Variants in SPTBN2 observed in about 807,000 individuals in gnomAD.
The protein encoded by SPTBN2 is spectrin beta, non-erythrocytic 2, also known as spectrin beta chain, non-erythrocytic 2.
SPTBN2 carries 107 observed loss-of-function variants against 284.2 expected under a neutral mutation model. The observed-to-expected ratio is 0.38, with a 90% CI of 0.32 to 0.44. SPTBN2 has a LOEUF of 0.44. Ranked by LOEUF, SPTBN2 falls within the 20% of genes least tolerant of loss-of-function variation. The probability of loss-of-function intolerance (pLI) is 1.00; values close to 1 mark genes in which losing one functional copy is unlikely to be tolerated. For synonymous variants in SPTBN2, 1,289 were observed against 1,354.8 expected, an observed-to-expected ratio of 0.95 and a Z score of 1.07; for missense variants, 2,569 against 3,287.1, an observed-to-expected ratio of 0.78 and a Z score of 5.34.
At chr11:66,726,653 T>C (rs560889814) in intron 1 of SPTBN2, among the ~76,000 whole-genome samples, 2 of 152,244 alleles carry the variant, frequency 1.3e-5, no homozygotes, top group East Asian at 1.9e-4. Flanking sequence ...AAGATGAAGA[T>C]GGAGTAGGTA....
Position 66,705,225 on chromosome 11 carries a change from G to C in SPTBN2, c.2051C>G (p.Thr684Arg). 1 of 1,553,594 alleles carries C rather than the reference G, an allele frequency of 6.4e-7. No individual in the cohort carries two copies. Among genetic ancestry groups the C allele is most frequent in the Non-Finnish European group, 8.7e-7 (1 of 1,154,898 alleles). ...TGALRLLNKH[T>R]ALRGEMSGRL... Reference sequence around the variant, plus strand: ...GCCGCTCATCTCGCCCCGCAGGGCTGTGTGCTTGTTGAGCAGGCGGAGGGC... The same window carrying C: ...GCCGCTCATCTCGCCCCGCAGGGCTCTGTGCTTGTTGAGCAGGCGGAGGGC... The change falls in exon 15 of 38, where the codon ACA (threonine) becomes AGA (arginine). Residue 684 changes from threonine (T) to arginine (R), a missense_variant. Physicochemically the swap from Thr to Arg is moderately conservative, Grantham distance 71. This residue lies in a region of SPTBN2 where 1,012 missense variants were observed against 1,248.9 expected (regional missense o/e 0.81). Transcript: ENST00000533211.
Position 66,694,151 on chromosome 11 carries a change from C to A in SPTBN2, c.4491G>T (p.Val1497=). 6.2e-7 allele frequency: 1 copy of A among 1,607,598 alleles called. No individual in the cohort carries two copies. Among genetic ancestry groups the A allele is most frequent in the Non-Finnish European group, 8.5e-7 (1 of 1,180,006 alleles). Residue 1497 remains valine (V), a synonymous_variant, in exon 22 of 38, where the codon GTG becomes GTT. Transcript: ENST00000533211. ...SREQHQFHRD[V]EDEILWVTER... ...CCCAGTGACTCACAATCTCATCTTC[C>A]ACATCGCGGTGGAACTGGTGCTGCT...
Position 66,707,950 on chromosome 11 carries a change from AC to A in SPTBN2, c.1351-133del. The A allele has an allele frequency of 3.6e-6, 5 of 1,375,796 alleles. No homozygotes were observed. Among genetic ancestry groups the A allele is most frequent in the Non-Finnish European group, 3.0e-6 (3 of 1,009,476 alleles). 85.2% of individuals were successfully genotyped at this position (1,375,796 alleles called of 1,614,324 possible). A position where few individuals can be genotyped will look rare whatever the true frequency, so the allele number is the denominator to read the frequency against. On this transcript the variant is annotated intron_variant, in intron 12 of 37. Transcript: ENST00000533211. The surrounding 1 kb of genome is among the most constrained non-coding windows in gnomAD (Gnocchi z 4.9). ...TGGCTCTAAGTTCCCTCTCTATCCC[AC>A]CCCCATCCTGTCTCACCAACCCTCT...
chr11:66,696,269 C>T lies in SPTBN2; in HGVS notation c.4278+8G>A, dbSNP rs749162811. 1.2e-6 allele frequency: 2 copies of T among 1,610,258 alleles called. No homozygotes were observed. Among genetic ancestry groups the T allele is most frequent in the Admixed American group, 1.7e-5 (1 of 60,000 alleles). ...GTTCACCATCCCCATCAAAGGCCCA[C>T]AGCACACCTGCTGCTTCTTGAGCAG... On this transcript the variant is annotated splice_region_variant and intron_variant, in intron 21 of 37. Coordinates refer to ENST00000533211, the MANE Select transcript of SPTBN2 (RefSeq NM_006946.4).
chr11:66,712,162 C>G (rs1311109033), intron 8 of SPTBN2, among the ~76,000 whole-genome samples: 1 of 152,234 alleles, frequency 6.6e-6, no homozygotes, highest in East Asian at 1.9e-4. Context: ...CCCCCATCTT[C>G]TCTTCCATAA....
chr11:66,710,135 C>T lies in SPTBN2; in HGVS notation c.1073+447G>A, dbSNP rs1016993021. Reference sequence around the variant, plus strand: ...TTGGCTCACTGCAACCTCTGTCTCCCGGGTTCAGGTGGTTCTCCTGCCTCA... The same window carrying T: ...TTGGCTCACTGCAACCTCTGTCTCCTGGGTTCAGGTGGTTCTCCTGCCTCA... On this transcript the variant is annotated intron_variant, in intron 10 of 37. Transcript: ENST00000533211. This position sits in a 1 kb window ranked among gnomAD's most constrained non-coding sequence, Gnocchi z 4.9. Among the ~76,000 whole-genome samples the T allele has an allele frequency of 5.3e-5, 8 of 152,224 alleles. No individual in the cohort carries two copies. The highest frequency in any genetic ancestry group is 1.9e-4 in the African/African-American group (8 of 41,446).
intron 1 of SPTBN2, among the ~76,000 whole-genome samples, chr11:66,744,005 C>T (rs987034083): frequency 6.6e-6 from 1 of 152,076 alleles, no homozygotes; most frequent in African/African-American, 2.4e-5. Context: ...GGATTACAGG[C>T]GCCCGCCACC....
intron 1 of SPTBN2, among the ~76,000 whole-genome samples, chr11:66,725,446 T>A (rs1942581360): frequency 1.3e-5 from 2 of 152,334 alleles, no homozygotes; most frequent in South Asian, 4.1e-4. Flanking sequence ...TATCCAGCGC[T>A]GGTTTCTTGC....
rs780141702 is a variant in SPTBN2 at position 66,694,178 on chromosome 11, G to T, written c.4464C>A (p.Arg1488=). Residue 1488 remains arginine (R), a synonymous_variant, in exon 22 of 38, where the codon CGC becomes CGA. Coordinates refer to ENST00000533211, the MANE Select transcript of SPTBN2 (RefSeq NM_006946.4). ...RERCRRLQAS[R]EQHQFHRDVE... ...CATCGCGGTGGAACTGGTGCTGCTC[G>T]CGAGAAGCCTGCAGGCGCCGGCAGC... The T allele has an allele frequency of 1.2e-6, 2 of 1,611,816 alleles. No homozygotes were observed. Among genetic ancestry groups the T allele is most frequent in the Non-Finnish European group, 1.7e-6 (2 of 1,180,022 alleles).
At chr11:66,732,827 G>T (rs559759206), upstream of SPTBN2, among the ~76,000 whole-genome samples, 1 of 151,554 alleles carries the variant, frequency 6.6e-6, no homozygotes, top group Admixed American at 6.6e-5. Context: ...TTAGCCGGGC[G>T]TGGTGGCAAG....
At position 66,713,659 on chromosome 11, in the gene SPTBN2, C is replaced by T. The variant is rs757465047; in HGVS notation, c.744G>A (p.Leu248=). The change falls in exon 8 of 38, where the codon CTG becomes CTA. Residue 248 remains leucine (L), a synonymous_variant. Coordinates refer to ENST00000533211, the MANE Select transcript of SPTBN2 (RefSeq NM_006946.4). ...CGGGATCCAGCAGCTTGGTAAGTCCCAGTTCCTTTTCAGCCAGATTGAATG... is the reference window on the plus strand; with the variant it reads ...CGGGATCCAGCAGCTTGGTAAGTCCTAGTTCCTTTTCAGCCAGATTGAATG... ...QNAFNLAEKE[L]GLTKLLDPED... 1.9e-6 allele frequency: 3 copies of T among 1,613,954 alleles called. No individual in the cohort carries two copies. The highest frequency in any genetic ancestry group is 2.5e-6 in the Non-Finnish European group (3 of 1,180,022).
chr11:66,704,826 A>G lies in SPTBN2; in HGVS notation c.2450T>C (p.Leu817Pro). The change falls in exon 15 of 38, where the codon CTG becomes CCG. Residue 817 changes from leucine (L) to proline (P), a missense_variant. By Grantham distance (98) the Leu-to-Pro change is moderately conservative. Coordinates refer to ENST00000533211, the MANE Select transcript of SPTBN2 (RefSeq NM_006946.4). ...REQAAALPPT[L>P]SRTPEVQSRV... ...GCTCTGCACCTCGGGCGTGCGGCTC[A>G]GTGTGGGGGGCAGGGCTGCTGCCTG... 1 of 1,607,280 alleles carries G rather than the reference A, an allele frequency of 6.2e-7. No homozygotes were observed. Among genetic ancestry groups the G allele is most frequent in the Non-Finnish European group, 8.5e-7 (1 of 1,179,364 alleles).
rs1941968261 is a variant in SPTBN2, at chr11:66,713,229, A to C, written c.772+402T>G. ...CCTACAGTCTTTTGTTAAAAAAAAA[A>C]AAAACCTGAGAAATGATTGTCACAC... On this transcript the variant is annotated intron_variant, in intron 8 of 37. Transcript: ENST00000533211. Among the ~76,000 whole-genome samples the C allele has an allele frequency of 2.0e-5, 3 of 152,204 alleles. No individual in the cohort carries two copies. In the South Asian group the frequency reaches 6.2e-4, roughly 32 times the overall value.
rs373650492 is a variant in SPTBN2, at chr11:66,713,651, G to A, written c.752C>T (p.Thr251Ile). 65 of 1,613,748 alleles carry A rather than the reference G, an allele frequency of 4.0e-5. No individual in the cohort carries two copies. The highest frequency in any genetic ancestry group is 4.9e-5 in the Non-Finnish European group (58 of 1,179,950). Residue 251 changes from threonine (T) to isoleucine (I), a missense_variant, in exon 8 of 38, where the codon ACC (threonine) becomes ATC (isoleucine). Physicochemically the swap from Thr to Ile is moderately conservative, Grantham distance 89. This residue lies in a region of SPTBN2 where 304 missense variants were observed against 522.1 expected (regional missense o/e 0.58). Coordinates refer to ENST00000533211, the MANE Select transcript of SPTBN2 (RefSeq NM_006946.4). ...CCCACCTTCGGGATCCAGCAGCTTG[G>A]TAAGTCCCAGTTCCTTTTCAGCCAG... ...FNLAEKELGL[T>I]KLLDPEDVNV...
rs575916356 is a variant in SPTBN2 at position 66,700,808 on chromosome 11, C to T, written c.3291G>A (p.Leu1097=). ...GGGCCAGGAGGGCCTCTGCCTCAGG[C>T]AGGGTGGCCGGCCCTTCTTCAGAGG... is the stretch of plus-strand genomic sequence containing the variant. ...AVASEEGPAT[L]PEAEALLAQH... Residue 1097 remains leucine, a synonymous_variant, in exon 17 of 38, where the codon CTG becomes CTA. Coordinates refer to ENST00000533211, the MANE Select transcript of SPTBN2 (RefSeq NM_006946.4). This position sits in a 1 kb window ranked among gnomAD's most constrained non-coding sequence, Gnocchi z 6.6. The T allele has an allele frequency of 3.2e-5, 51 of 1,600,818 alleles. No homozygotes were observed. In the South Asian group the frequency reaches 5.2e-4, roughly 16 times the overall value.
chr11:66,696,630 G>C, intron 20 of SPTBN2, 90 bp from the exon 21 acceptor site: 1 of 1,541,906 alleles, frequency 6.5e-7, no homozygotes, highest in Non-Finnish European at 8.9e-7. Context: ...GGGCAGTAGA[G>C]ACCTGAAGTG....
intron 17 of SPTBN2, 23 bp from the exon 18 acceptor site, chr11:66,699,631 A>G: frequency 6.2e-7 from 1 of 1,612,932 alleles, no homozygotes; most frequent in Non-Finnish European, 8.5e-7. Context: ...GATGACATTC[A>G]GCTCATTTTC....
chr11:66,737,599 C>T (rs914529514), intron 1 of SPTBN2, among the ~76,000 whole-genome samples: 2 of 152,106 alleles, frequency 1.3e-5, no homozygotes, highest in African/African-American at 2.4e-5. Context: ...CACTGCTGCC[C>T]AAAGCTGGAA....
In SPTBN2 at chr11:66,715,386, T is replaced by C; in HGVS notation, c.319A>G (p.Thr107Ala). The change falls in exon 5 of 38, where the codon ACA becomes GCA. Residue 107 changes from threonine (T) to alanine (A), a missense_variant. By Grantham distance (58) the Thr-to-Ala change is moderately conservative. This residue lies in a region of SPTBN2 where 304 missense variants were observed against 522.1 expected (regional missense o/e 0.58). Coordinates refer to ENST00000533211, the MANE Select transcript of SPTBN2 (RefSeq NM_006946.4). The surrounding 1 kb of genome is among the most constrained non-coding windows in gnomAD (Gnocchi z 5.3). ...CAGTGGATCCGCATGCGGCCCTTTG[T>C]AGGCTTTGGCTGTGGAGGGACGGGG... ...VLSGEILPKP[T>A]KGRMRIHCLE... 6.2e-7 allele frequency: 1 copy of C among 1,612,794 alleles called. No homozygotes were observed. Among genetic ancestry groups the C allele is most frequent in the South Asian group, 1.1e-5 (1 of 91,016 alleles).
Sources: gnomAD v4.1 joint callset for allele counts (sites outside exome capture counted in the v4.1 genomes callset) on GRCh38, gnomAD v4.1.1 for gene constraint, gnomAD v4.1.1 regional missense constraint, Gnocchi (gnomAD v3.1) non-coding constraint, MANE v1.5 for transcripts, NCBI Gene and HGNC (gene_info 2026-07-23, HGNC 2026-07-21) for gene names.